The following NREP variants were observed in gnomAD, a reference collection of about 807,000 sequenced individuals.
The protein encoded by NREP is neuronal regeneration-related protein.
A neutral mutation model predicts 8.6 loss-of-function variants in NREP; 5 were observed. That is an observed-to-expected ratio of 0.58 (90% CI 0.30 to 1.22). The LOEUF (loss-of-function observed/expected upper bound fraction) is 1.22. Ranked by LOEUF, NREP falls within the 50% of genes most tolerant of loss-of-function variation. The pLI is 0.07. For missense variants in NREP, 86 were observed against 82.5 expected (o/e 1.04, Z -0.17); for synonymous variants, 27 against 28.0 (o/e 0.96, Z 0.11).
intron 2 of NREP, among the ~76,000 whole-genome samples, chr5:111,772,311 G>A (rs528298011): frequency 1.2e-4 from 19 of 152,082 alleles, no homozygotes; most frequent in African/African-American, 4.6e-4. Context: ...AGAATAGAAG[G>A]TTTTTTGTTT....
At chr5:111,818,901 A>G (rs1167998880) in intron 2 of NREP, among the ~76,000 whole-genome samples, 2 of 152,220 alleles carry the variant, frequency 1.3e-5, no homozygotes, top group East Asian at 3.8e-4. Flanking sequence ...GGATAGGTAG[A>G]TAAACTATTT....
At chr5:111,943,472 A>G (rs1022022319) in intron 2 of NREP, among the ~76,000 whole-genome samples, 2 of 152,024 alleles carry the variant, frequency 1.3e-5, no homozygotes, top group East Asian at 3.9e-4. Flanking sequence ...TCTTAAACCT[A>G]TATCTCTAGC....
rs563153958 is a variant in NREP, at chr5:111,784,324, G to A, written c.136-48817C>T. On this transcript the variant is annotated intron_variant, in intron 2 of 3. Coordinates refer to the NREP transcript ENST00000395634. ...CCTGTGTAGATGCAAGGAAAGCTGG[G>A]AATGTAGTCCTAACTGGGCAGCTCT... Among the ~76,000 whole-genome samples, 224 of 151,364 alleles carry A rather than the reference G, an allele frequency of 1.5e-3. 1 individual carries two copies. The highest frequency in any genetic ancestry group is 5.3e-3 in the African/African-American group (218 of 41,212).
intron 2 of NREP, among the ~76,000 whole-genome samples, chr5:111,766,532 T>C (rs10079074): frequency 0.7 from 106,971 of 152,054 alleles, 37,886 homozygotes; most frequent in Non-Finnish European, 0.75. Flanking sequence ...AAGGGAAGTG[T>C]AATGTTATTC....
intron 2 of NREP, among the ~76,000 whole-genome samples, chr5:111,740,898 A>ATAT (rs1252808110): frequency 6.6e-6 from 1 of 152,170 alleles, no homozygotes; most frequent in Non-Finnish European, 1.5e-5. Flanking sequence ...GTCTTTATCA[A>ATAT]TATTTCTTTG....
intron 2 of NREP, among the ~76,000 whole-genome samples, chr5:111,783,505 A>G (rs1037488979): frequency 1.3e-5 from 2 of 152,212 alleles, no homozygotes; most frequent in East Asian, 3.8e-4. Flanking sequence ...ACAACTTTGC[A>G]TTATTTCTGA....
intron 2 of NREP, among the ~76,000 whole-genome samples, chr5:111,740,450 G>A: frequency 6.6e-6 from 1 of 152,124 alleles, no homozygotes; most frequent in South Asian, 2.1e-4. Context: ...TCAGGGTTTT[G>A]TCCCTCCCTT....
chr5:111,742,883 G>A (rs1042276213), intron 2 of NREP, among the ~76,000 whole-genome samples: 10 of 152,080 alleles, frequency 6.6e-5, no homozygotes, highest in African/African-American at 2.2e-4. Context: ...GTCACTGATC[G>A]AGGAATTCTC....
At chr5:111,888,997 A>G (rs975882958) in intron 2 of NREP, among the ~76,000 whole-genome samples, 9 of 152,248 alleles carry the variant, frequency 5.9e-5, no homozygotes, top group African/African-American at 2.2e-4. Flanking sequence ...TCTATGTCAC[A>G]GCAATCACTC....
intron 2 of NREP, among the ~76,000 whole-genome samples, chr5:111,890,962 T>G (rs375502567): frequency 2.7e-4 from 41 of 152,370 alleles, no homozygotes; most frequent in Middle Eastern, 3.4e-3. Context: ...AGCAAGAGGT[T>G]GCACAGCAGC....
downstream of NREP, chr5:111,729,254 A>C (rs995676367): frequency 3.3e-5 from 5 of 152,234 alleles, no homozygotes; most frequent in African/African-American, 1.2e-4. Flanking sequence ...CAAGAACCAG[A>C]GAAGACATTC....
upstream of NREP, among the ~76,000 whole-genome samples, chr5:111,759,800 G>A (rs1386350002): frequency 1.3e-5 from 2 of 152,110 alleles, no homozygotes; most frequent in African/African-American, 4.8e-5. Context: ...AGTCCTCCTA[G>A]CTGCCATGTT....
intron 2 of NREP, among the ~76,000 whole-genome samples, chr5:111,749,876 T>C (rs949179253): frequency 3.3e-5 from 5 of 152,168 alleles, no homozygotes; most frequent in Non-Finnish European, 5.9e-5. Flanking sequence ...CTTTCTTCTC[T>C]CCACCATTCC....
chr5:111,852,074 G>C (rs1288311647), intron 2 of NREP, among the ~76,000 whole-genome samples: 1 of 152,126 alleles, frequency 6.6e-6, no homozygotes, highest in Non-Finnish European at 1.5e-5. Context: ...CTCATGAGTG[G>C]AGTAGTGCCT....
chr5:111,963,782 T>G (rs1417666668), intron 2 of NREP, among the ~76,000 whole-genome samples: 2 of 152,228 alleles, frequency 1.3e-5, no homozygotes, highest in African/African-American at 4.8e-5. Context: ...GAACAGAAAC[T>G]GAGCCTTTGG....
rs1180142419 is a variant in NREP at position 111,730,177 on chromosome 5, T to C, written c.*744A>G. The C allele has an allele frequency of 6.6e-6, 1 of 152,512 alleles. No homozygotes were observed. The highest frequency in any genetic ancestry group is 1.5e-5 in the Non-Finnish European group (1 of 68,024). 9.4% of individuals were successfully genotyped at this position (152,512 alleles called of 1,614,324 possible). ...GAGACAATGGTCTCTCACACTCTGG[T>C]AGCATTCGCTCAACCTACAACACTG... On this transcript the variant is annotated 3_prime_UTR_variant, in exon 4 of 4. Transcript: ENST00000257435.
intron 2 of NREP, among the ~76,000 whole-genome samples, chr5:111,736,348 C>T (rs754431610): frequency 2.0e-5 from 3 of 152,100 alleles, no homozygotes; most frequent in Non-Finnish European, 2.9e-5. Context: ...ATCCAACAAC[C>T]ATCTGTCAGG....
intron 2 of NREP, among the ~76,000 whole-genome samples, chr5:111,876,129 G>A (rs1393917704): frequency 6.6e-6 from 1 of 152,150 alleles, no homozygotes; most frequent in Non-Finnish European, 1.5e-5. Context: ...ATTGTCCCTG[G>A]TGGACATGCC....
chr5:111,822,769 G>A (rs138528490), intron 2 of NREP, among the ~76,000 whole-genome samples: 537 of 152,222 alleles, frequency 3.5e-3, no homozygotes, highest in African/African-American at 0.012. Context: ...ATTGAAAACA[G>A]AAACAGATAC....
Sources: gnomAD v4.1 joint callset for allele counts (sites outside exome capture counted in the v4.1 genomes callset) on GRCh38, gnomAD v4.1.1 for gene constraint, MANE v1.5 for transcripts, NCBI Gene and HGNC (gene_info 2026-07-23, HGNC 2026-07-21) for gene names.